KL: variants seen among roughly 807,000 people sequenced by gnomAD.
KL encodes alpha-klotho.
In KL, 62 loss-of-function variants were observed where a neutral mutation model predicts 84.2. The observed-to-expected ratio is 0.74, with a 90% CI of 0.60 to 0.91. The LOEUF is 0.91. KL is among the 40% of genes least tolerant of loss of function. The pLI, the probability that KL is intolerant of heterozygous loss-of-function variation, is 0.00. For missense variants in KL, 1,261 were observed against 1,305.7 expected, an observed-to-expected ratio of 0.97 and a Z score of 0.53; for synonymous variants, 528 against 528.0, an observed-to-expected ratio of 1.00 and a Z score of 0.00.
At chr13:33,047,658 G>A (rs1053992393) in intron 1 of KL, among the ~76,000 whole-genome samples, 5 of 152,148 alleles carry the variant, frequency 3.3e-5, no homozygotes, top group Admixed American at 2.0e-4. Flanking sequence ...CATCTGTCTT[G>A]TACTTGGAAC....
At chr13:33,033,730 A>G (rs1201344416) in intron 1 of KL, among the ~76,000 whole-genome samples, 1 of 151,176 alleles carries the variant, frequency 6.6e-6, no homozygotes, top group African/African-American at 2.4e-5. Flanking sequence ...CCAGCAACCC[A>G]CTTTACGAGC....
At chr13:33,022,204 G>C (rs1033694193) in intron 1 of KL, among the ~76,000 whole-genome samples, 4 of 152,162 alleles carry the variant, frequency 2.6e-5, no homozygotes, top group African/African-American at 7.2e-5. Flanking sequence ...CACCTTCTCA[G>C]GTGCAAAATG....
In KL at chr13:33,017,196, C is replaced by G; in HGVS notation, c.756C>G (p.Arg252=). 6.3e-7 allele frequency: 1 copy of G among 1,597,644 alleles called. No homozygotes were observed. The highest frequency in any genetic ancestry group is 8.5e-7 in the Non-Finnish European group (1 of 1,178,988). ...VVAWHGYATG[R]LAPGIRGSPR... The stretch of plus-strand genomic sequence containing the variant: ...CCTGGCACGGCTACGCCACCGGGCG[C>G]CTGGCCCCCGGCATCCGGGGCAGCC... The change falls in exon 1 of 5, where the codon CGC becomes CGG. Residue 252 remains arginine (R), a synonymous_variant. Transcript: ENST00000380099.
intron 1 of KL, among the ~76,000 whole-genome samples, chr13:33,028,413 C>A (rs1870856221): frequency 6.6e-6 from 1 of 152,178 alleles, no homozygotes; most frequent in South Asian, 2.1e-4. Flanking sequence ...CTTCCATAAA[C>A]CCTTTCTCAG....
rs1872142320 is a variant in KL at position 33,060,674 on chromosome 13, C to T, written c.1600-5C>T. 1.2e-6 allele frequency: 2 copies of T among 1,614,172 alleles called. No homozygotes were observed. Among genetic ancestry groups the T allele is most frequent in the African/African-American group, 1.3e-5 (1 of 75,060 alleles). ...TGACGCTAATGTTTACTCTGCCCTTCACAGGTAGATACCACTCTGTCTCAG... is the reference window on the plus strand; with the variant it reads ...TGACGCTAATGTTTACTCTGCCCTTTACAGGTAGATACCACTCTGTCTCAG... On this transcript the variant is annotated splice_region_variant and splice_polypyrimidine_tract_variant and intron_variant, in intron 3 of 4. Coordinates refer to ENST00000380099, the MANE Select transcript of KL (RefSeq NM_004795.4).
intron 1 of KL, among the ~76,000 whole-genome samples, chr13:33,045,342 T>C (rs534308156): frequency 2.0e-5 from 3 of 152,348 alleles, no homozygotes; most frequent in Non-Finnish European, 4.4e-5. Flanking sequence ...TTTTCCTTCC[T>C]AATTGCTCTG....
Position 33,017,124 on chromosome 13 carries a change from C to T in KL, c.684C>T (p.Gly228=). 1 of 1,604,092 alleles carries T rather than the reference C, an allele frequency of 6.2e-7. No individual in the cohort carries two copies. Among genetic ancestry groups the T allele is most frequent in the Non-Finnish European group, 8.5e-7 (1 of 1,179,776 alleles). ...DYAELCFRHF[G]GQVKYWITID... is the part of the protein sequence containing the mutation. ...CGGAGCTCTGCTTCCGCCACTTCGG[C>T]GGTCAGGTCAAGTACTGGATCACCA... is the stretch of plus-strand genomic sequence containing the variant. The change falls in exon 1 of 5, where the codon GGC becomes GGT. Residue 228 remains glycine, a synonymous_variant. Coordinates refer to ENST00000380099, the MANE Select transcript of KL (RefSeq NM_004795.4).
rs757212668 is a variant in KL at position 33,016,925 on chromosome 13, C to T, written c.485C>T (p.Ala162Val). Reference sequence around the variant, plus strand: ...GCGCGAGTGCTCCCCAATGGCAGCGCGGGCGTCCCCAACCGCGAGGGGCTG... The same window carrying T: ...GCGCGAGTGCTCCCCAATGGCAGCGTGGGCGTCCCCAACCGCGAGGGGCTG... Reference protein sequence around the residue: ...SWARVLPNGSAGVPNREGLRY... With the variant: ...SWARVLPNGSVGVPNREGLRY... The change falls in exon 1 of 5, where the codon GCG (alanine) becomes GTG (valine). Residue 162 changes from alanine (A) to valine (V), a missense_variant. Transcript: ENST00000380099. 30 of 1,610,226 alleles carry T rather than the reference C, an allele frequency of 1.9e-5. No homozygotes were observed. Among genetic ancestry groups the T allele is most frequent in the African/African-American group, 2.7e-5 (2 of 74,916 alleles).
At chr13:33,052,824 G>T (rs1331190676) in intron 1 of KL, among the ~76,000 whole-genome samples, 1 of 152,126 alleles carries the variant, frequency 6.6e-6, no homozygotes, top group Non-Finnish European at 1.5e-5. Flanking sequence ...GGGGAATAAA[G>T]GCTGATAAAC....
At chr13:33,033,103 TAGC>T (rs917328497) in intron 1 of KL, among the ~76,000 whole-genome samples, 3 of 152,244 alleles carry the variant, frequency 2.0e-5, no homozygotes, top group African/African-American at 7.2e-5. Context: ...ATAACTCAAA[TAGC>T]AGTCCTGAAA....
At position 33,065,451 on chromosome 13, in the gene KL, A is replaced by T. The variant is rs1872375927; in HGVS notation, c.*1265A>T. The T allele has an allele frequency of 5.1e-6, 1 of 195,068 alleles. No individual in the cohort carries two copies. Among genetic ancestry groups the T allele is most frequent in the African/African-American group, 2.3e-5 (1 of 43,228 alleles). 12.1% of individuals were successfully genotyped at this position (195,068 alleles called of 1,614,324 possible). On this transcript the variant is annotated 3_prime_UTR_variant, in exon 5 of 5. Coordinates refer to ENST00000380099, the MANE Select transcript of KL (RefSeq NM_004795.4). ...TCAGACAGGGAAGTCTCTCTATTACACTGGAGCTGTTTTATAGATAAGTCA... is the reference window on the plus strand; with the variant it reads ...TCAGACAGGGAAGTCTCTCTATTACTCTGGAGCTGTTTTATAGATAAGTCA...
chr13:33,043,248 G>A (rs1190038586), intron 1 of KL, among the ~76,000 whole-genome samples: 5 of 149,892 alleles, frequency 3.3e-5, no homozygotes, highest in Non-Finnish European at 5.9e-5. Context: ...TTTTGAGGCA[G>A]CATCTCACTG....
chr13:33,021,007 C>T (rs772365607), intron 1 of KL, among the ~76,000 whole-genome samples: 1 of 152,008 alleles, frequency 6.6e-6, no homozygotes, highest in Non-Finnish European at 1.5e-5. Context: ...TCAGATGCCT[C>T]CTCCCGCGCT....
At chr13:33,053,662 T>C in intron 1 of KL, 105 bp from the exon 2 acceptor site, 1 of 1,088,504 alleles carries the variant, frequency 9.2e-7, no homozygotes, top group Non-Finnish European at 1.4e-6. Context: ...GTCATTAAGT[T>C]AGGCTTGATG....
Position 33,033,928 on chromosome 13 carries a change from A to T in KL, c.819+16669A>T, listed in dbSNP as rs116434558. Among the ~76,000 whole-genome samples the T allele has an allele frequency of 4.1e-3, 630 of 152,256 alleles. 5 individuals carry two copies. Among genetic ancestry groups the T allele is most frequent in the African/African-American group, 0.015 (605 of 41,552 alleles). On this transcript the variant is annotated intron_variant, in intron 1 of 4. Transcript: ENST00000380099. ...CAGACAAACACAAACCCTCTAGTAT[A>T]AAAGCATTTTTTTTTAAAAAAGATG...
chr13:33,020,382 G>C (rs1331031089), intron 1 of KL, among the ~76,000 whole-genome samples: 2 of 152,018 alleles, frequency 1.3e-5, no homozygotes, highest in Admixed American at 6.5e-5. Context: ...GTAAATAGTG[G>C]AGGGCTCAGG....
chr13:33,025,387 G>A (rs1490009361), intron 1 of KL, among the ~76,000 whole-genome samples: 1 of 152,178 alleles, frequency 6.6e-6, no homozygotes, highest in African/African-American at 2.4e-5. Flanking sequence ...GTTAATGAAT[G>A]GGCACAGCTG....
intron 1 of KL, among the ~76,000 whole-genome samples, chr13:33,029,155 C>G (rs1870881526): frequency 6.6e-6 from 1 of 152,058 alleles, no homozygotes; most frequent in East Asian, 1.9e-4. Context: ...ATTAATTTTG[C>G]TAGTTATAGC....
At chr13:33,022,583 A>G (rs936129382) in intron 1 of KL, among the ~76,000 whole-genome samples, 1 of 152,234 alleles carries the variant, frequency 6.6e-6, no homozygotes, top group Non-Finnish European at 1.5e-5. Context: ...ATTTTGATGT[A>G]TTCTGAGTAT....
Sources: gnomAD v4.1 joint callset for allele counts (sites outside exome capture counted in the v4.1 genomes callset) on GRCh38, gnomAD v4.1.1 for gene constraint, MANE v1.5 for transcripts, NCBI Gene and HGNC (gene_info 2026-07-23, HGNC 2026-07-21) for gene names.